Variants in PAN3 observed in about 807,000 individuals in gnomAD.
PAN3 encodes poly(A) specific ribonuclease subunit PAN3, also known as PAN2-PAN3 deadenylation complex subunit PAN3.
A neutral mutation model predicts 96.2 loss-of-function variants in PAN3; 19 were observed. The ratio of observed to expected loss-of-function variants is 0.20; its 90% CI spans 0.14 to 0.29. The LOEUF (loss-of-function observed/expected upper bound fraction) is 0.29, where lower values mean the gene tolerates loss of function less well. Among genes scored for constraint, PAN3 ranks in the 10% least tolerant of loss-of-function variants. The pLI, the probability that PAN3 is intolerant of heterozygous loss-of-function variation, is 1.00. For missense variants in PAN3, 882 were observed against 1,108.1 expected, an observed-to-expected ratio of 0.80 and a Z score of 2.90; for synonymous variants, 433 against 406.6, an observed-to-expected ratio of 1.06 and a Z score of -0.78.
intron 1 of PAN3, among the ~76,000 whole-genome samples, chr13:28,159,523 A>T (rs1417107716): frequency 1.3e-5 from 2 of 152,168 alleles, no homozygotes; most frequent in Non-Finnish European, 2.9e-5. Flanking sequence ...ATCTTGGCTC[A>T]CTGCAACCTC....
At chr13:28,253,727 A>T (rs1161528638) in intron 6 of PAN3, among the ~76,000 whole-genome samples, 1 of 151,800 alleles carries the variant, frequency 6.6e-6, no homozygotes, top group Non-Finnish European at 1.5e-5. Context: ...CTCCTGCCTC[A>T]GTCCCCCAGG....
At chr13:28,228,839 A>C (rs1593517478) in intron 6 of PAN3, among the ~76,000 whole-genome samples, 1 of 152,178 alleles carries the variant, frequency 6.6e-6, no homozygotes, top group East Asian at 1.9e-4. Context: ...ACTGTGTGCG[A>C]GGTGGTGTAA....
intron 5 of PAN3, among the ~76,000 whole-genome samples, chr13:28,201,029 GTCTC>G (rs976321660): frequency 8.6e-5 from 13 of 150,888 alleles, no homozygotes; most frequent in African/African-American, 2.2e-4. Flanking sequence ...AACTCTCTCT[GTCTC>G]TCTCTCTCTT....
chr13:28,233,303 A>G lies in PAN3; in HGVS notation c.1000+12925A>G, dbSNP rs376600433. ...TTTTTTTCAGGCGGAGTCTCACTCT[A>G]TTGCCCAGGCTGGAGTGCAGTGGCA... On this transcript the variant is annotated intron_variant, in intron 6 of 18. Transcript: ENST00000380958. Among the ~76,000 whole-genome samples the G allele has an allele frequency of 1.9e-4, 27 of 143,934 alleles. No homozygotes were observed. The East Asian group carries it at 2.0e-3, about 11-fold the overall frequency. 94.4% of individuals were successfully genotyped at this position (143,934 alleles called of 152,430 possible).
intron 1 of PAN3, among the ~76,000 whole-genome samples, chr13:28,170,508 GAA>G (rs931041807): frequency 5.7e-4 from 87 of 152,246 alleles, no homozygotes; most frequent in African/African-American, 2.0e-3. Flanking sequence ...TACAAAATGT[GAA>G]AAGAGAAAAT....
intron 4 of PAN3, among the ~76,000 whole-genome samples, chr13:28,188,035 T>G (rs75132660): frequency 0.02 from 3,051 of 152,336 alleles, 114 homozygotes; most frequent in African/African-American, 0.07. Context: ...ATCTATGTTT[T>G]ATTAATCAGA....
chr13:28,144,211 G>T (rs112218964), intron 1 of PAN3, among the ~76,000 whole-genome samples: 2,056 of 101,832 alleles, frequency 0.02, 195 homozygotes, highest in African/African-American at 0.061. Flanking sequence ...AAGTTTTTTT[G>T]TTTTTTTTTT....
At chr13:28,214,064 G>T (rs903218419) in intron 5 of PAN3, among the ~76,000 whole-genome samples, 1 of 151,870 alleles carries the variant, frequency 6.6e-6, no homozygotes, top group Non-Finnish European at 1.5e-5. Flanking sequence ...CTCCAGCCTG[G>T]GTGACAAAGC....
chr13:28,154,833 T>C (rs1235701837), intron 1 of PAN3, among the ~76,000 whole-genome samples: 1 of 150,562 alleles, frequency 6.6e-6, no homozygotes, highest in South Asian at 2.1e-4. Flanking sequence ...CTTTTCTTTT[T>C]TTTTTGAGAC....
intron 6 of PAN3, among the ~76,000 whole-genome samples, chr13:28,255,055 C>T (rs539536343): frequency 6.6e-6 from 1 of 152,256 alleles, no homozygotes; most frequent in African/African-American, 2.4e-5. Flanking sequence ...TACATGTTTT[C>T]AGAAAACATG....
intron 5 of PAN3, chr13:28,215,321 T>C: frequency 1.4e-6 from 1 of 738,546 alleles, no homozygotes; most frequent in Middle Eastern, 3.0e-4. Flanking sequence ...GAGTGGAGAC[T>C]GGTGTTCTCA....
At chr13:28,235,722 C>CACACACACACACACACAT (rs763204992) in intron 6 of PAN3, among the ~76,000 whole-genome samples, 125 of 149,060 alleles carry the variant, frequency 8.4e-4, no homozygotes, top group African/African-American at 3.0e-3. Flanking sequence ...CACACACACA[C>CACACACACACACACACAT]ATATATATAT....
At chr13:28,222,664 ATGT>A (rs1409663065) in intron 6 of PAN3, among the ~76,000 whole-genome samples, 4 of 152,210 alleles carry the variant, frequency 2.6e-5, no homozygotes, top group East Asian at 1.9e-4. Flanking sequence ...TTACCTACAA[ATGT>A]TGTTTTGTTT....
chr13:28,217,362 A>C (rs1880907605), intron 5 of PAN3, among the ~76,000 whole-genome samples: 1 of 152,012 alleles, frequency 6.6e-6, no homozygotes, highest in East Asian at 1.9e-4. Flanking sequence ...TGGGCAGATC[A>C]CTTGAGGCCA....
At chr13:28,183,040 GAT>G (rs1426186285) in intron 4 of PAN3, among the ~76,000 whole-genome samples, 2 of 152,090 alleles carry the variant, frequency 1.3e-5, no homozygotes, top group South Asian at 2.1e-4. Context: ...TATGGAAAAA[GAT>G]AAAGTAAATT....
chr13:28,195,263 C>T (rs952097199), intron 4 of PAN3, among the ~76,000 whole-genome samples: 3 of 151,910 alleles, frequency 2.0e-5, no homozygotes, highest in African/African-American at 7.3e-5. Flanking sequence ...ATTAGCCTGG[C>T]GTGGTGGCAC....
chr13:28,206,787 T>C (rs567443220), intron 5 of PAN3, among the ~76,000 whole-genome samples: 1 of 151,884 alleles, frequency 6.6e-6, no homozygotes, highest in African/African-American at 2.4e-5. Flanking sequence ...CCTCAAGAAC[T>C]CTGCCAAGCT....
At chr13:28,263,393 C>T (rs934084488) in intron 9 of PAN3, among the ~76,000 whole-genome samples, 3 of 152,224 alleles carry the variant, frequency 2.0e-5, no homozygotes, top group Non-Finnish European at 4.4e-5. Flanking sequence ...AGTACAGTGG[C>T]GTGATCGCAG....
At chr13:28,227,165 T>G (rs1056968089) in intron 6 of PAN3, among the ~76,000 whole-genome samples, 1 of 152,152 alleles carries the variant, frequency 6.6e-6, no homozygotes, top group African/African-American at 2.4e-5. Flanking sequence ...CCTTCTCAGT[T>G]GGGAATTTCA....
Sources: gnomAD v4.1 joint callset for allele counts (sites outside exome capture counted in the v4.1 genomes callset) on GRCh38, gnomAD v4.1.1 for gene constraint, MANE v1.5 for transcripts, NCBI Gene and HGNC (gene_info 2026-07-23, HGNC 2026-07-21) for gene names.